The following CCDC178 variants were observed in gnomAD, a reference collection of about 807,000 sequenced individuals.
CCDC178 encodes the protein coiled-coil domain containing 178, also known as coiled-coil domain-containing protein 178.
CCDC178 carries 126 observed loss-of-function variants against 117.4 expected under a neutral mutation model. That is an observed-to-expected ratio of 1.07 (90% confidence interval 0.93 to 1.24). The LOEUF is 1.24. CCDC178 is among the 50% of genes most tolerant of loss of function. The pLI is 0.00. For missense variants in CCDC178, 1,030 were observed against 986.9 expected (o/e 1.04, Z -0.59); for synonymous variants, 283 against 313.4 (o/e 0.90, Z 1.02).
At chr18:33,205,702 C>T (rs925940607) in intron 20 of CCDC178, among the ~76,000 whole-genome samples, 1 of 152,136 alleles carries the variant, frequency 6.6e-6, no homozygotes, top group African/African-American at 2.4e-5. Flanking sequence ...ATACCAATTA[C>T]TTATTTATTT....
chr18:33,435,240 C>T (rs1174805230), intron 2 of CCDC178, among the ~76,000 whole-genome samples: 3 of 152,056 alleles, frequency 2.0e-5, no homozygotes, highest in African/African-American at 7.2e-5. Flanking sequence ...TAGCCACTAG[C>T]CATATTCAAT....
intron 15 of CCDC178, among the ~76,000 whole-genome samples, chr18:33,233,818 A>T (rs1250756908): frequency 6.6e-6 from 1 of 152,150 alleles, no homozygotes; most frequent in Admixed American, 6.5e-5. Flanking sequence ...TCTTAGAGCC[A>T]ATAATTAGCA....
intron 12 of CCDC178, among the ~76,000 whole-genome samples, chr18:33,283,226 T>C (rs1024822803): frequency 2.0e-5 from 3 of 152,012 alleles, no homozygotes; most frequent in African/African-American, 7.3e-5. Flanking sequence ...AGCTGAACAC[T>C]GGCCCCCTCA....
chr18:33,156,826 A>T (rs892985871), intron 20 of CCDC178, among the ~76,000 whole-genome samples: 2 of 152,158 alleles, frequency 1.3e-5, no homozygotes, highest in Admixed American at 6.5e-5. Context: ...GACAGAAATA[A>T]GCTAAACAAG....
chr18:33,415,190 C>T (rs949528583), intron 2 of CCDC178, among the ~76,000 whole-genome samples: 1 of 152,184 alleles, frequency 6.6e-6, no homozygotes, highest in African/African-American at 2.4e-5. Flanking sequence ...ATCCAGCCAT[C>T]CCATTACTGG....
intron 11 of CCDC178, among the ~76,000 whole-genome samples, chr18:33,320,346 A>G (rs561588535): frequency 1.3e-5 from 2 of 152,302 alleles, no homozygotes; most frequent in South Asian, 4.1e-4. Flanking sequence ...AGAAAACCCC[A>G]TCGTTTCAGC....
intron 20 of CCDC178, among the ~76,000 whole-genome samples, chr18:33,170,458 A>G (rs1396418535): frequency 6.6e-6 from 1 of 152,160 alleles, no homozygotes. Context: ...TCACAAAATG[A>G]AGTAATTACT....
intron 22 of CCDC178, among the ~76,000 whole-genome samples, chr18:32,965,809 ATAT>A (rs1026103986): frequency 2.6e-4 from 39 of 151,330 alleles, no homozygotes; most frequent in African/African-American, 8.7e-4. Flanking sequence ...AAATTATTTT[ATAT>A]TATTAATTTT....
intron 21 of CCDC178, among the ~76,000 whole-genome samples, chr18:33,059,966 G>A (rs190758375): frequency 1.3e-5 from 2 of 152,118 alleles, no homozygotes; most frequent in East Asian, 3.9e-4. Context: ...AAACTCTTTG[G>A]GATGCTACCT....
chr18:33,109,490 C>T (rs191963185), intron 20 of CCDC178, among the ~76,000 whole-genome samples: 2 of 151,614 alleles, frequency 1.3e-5, no homozygotes, highest in African/African-American at 4.8e-5. Flanking sequence ...ATTAATCCCT[C>T]GATCTTTTAA....
intron 21 of CCDC178, among the ~76,000 whole-genome samples, chr18:33,053,947 ATTATT>A (rs1239731222): frequency 1.3e-5 from 2 of 152,166 alleles, no homozygotes; most frequent in Non-Finnish European, 2.9e-5. Context: ...ATGGTAAAAT[ATTATT>A]TTATGTTAAA....
chr18:33,291,805 A>G (rs1007419502), intron 12 of CCDC178, among the ~76,000 whole-genome samples: 2 of 152,140 alleles, frequency 1.3e-5, no homozygotes, highest in African/African-American at 4.8e-5. Context: ...TCTCAGGCTG[A>G]CAGGTGCCAA....
chr18:33,081,715 G>A (rs1306728849), intron 21 of CCDC178, among the ~76,000 whole-genome samples: 7 of 151,892 alleles, frequency 4.6e-5, no homozygotes, highest in African/African-American at 7.3e-5. Context: ...CTGTACCAAG[G>A]GAAATAACTA....
chr18:33,375,702 C>CAAGATGG (rs1433910789), intron 5 of CCDC178, among the ~76,000 whole-genome samples: 2 of 152,100 alleles, frequency 1.3e-5, no homozygotes, highest in Admixed American at 6.6e-5. Flanking sequence ...ATGGGAGCTT[C>CAAGATGG]AAGATGGAAG....
intron 9 of CCDC178, among the ~76,000 whole-genome samples, chr18:33,334,478 T>C (rs1259494858): frequency 1.3e-5 from 2 of 152,052 alleles, no homozygotes; most frequent in Non-Finnish European, 2.9e-5. Context: ...ATTGAAAGAT[T>C]TTCTCATTAT....
At chr18:33,363,060 T>C (rs1005411027) in intron 6 of CCDC178, among the ~76,000 whole-genome samples, 3 of 151,506 alleles carry the variant, frequency 2.0e-5, no homozygotes, top group Non-Finnish European at 4.4e-5. Flanking sequence ...AGAATATACA[T>C]GAACTCCCTA....
chr18:33,056,540 G>C (rs899933752), intron 21 of CCDC178, among the ~76,000 whole-genome samples: 7 of 152,064 alleles, frequency 4.6e-5, no homozygotes, highest in African/African-American at 1.7e-4. Flanking sequence ...CTGGAAGATG[G>C]GGAAAATGGA....
At chr18:33,371,682 T>C (rs1443822742) in intron 5 of CCDC178, among the ~76,000 whole-genome samples, 6 of 151,938 alleles carry the variant, frequency 3.9e-5, no homozygotes, top group African/African-American at 7.2e-5. Context: ...TGGTATCCTA[T>C]GTCTTTTAGT....
chr18:33,005,313 C>T (rs2055725171), intron 21 of CCDC178, among the ~76,000 whole-genome samples: 1 of 151,978 alleles, frequency 6.6e-6, no homozygotes, highest in Non-Finnish European at 1.5e-5. Context: ...TTATTTGCAA[C>T]ATGGATGAAA....
Sources: gnomAD v4.1 joint callset for allele counts (sites outside exome capture counted in the v4.1 genomes callset) on GRCh38, gnomAD v4.1.1 for gene constraint, MANE v1.5 for transcripts, NCBI Gene and HGNC (gene_info 2026-07-23, HGNC 2026-07-21) for gene names.